The following DENND1A variants were observed in gnomAD, a reference collection of about 807,000 sequenced individuals.
DENND1A encodes DENN domain-containing protein 1A.
DENND1A carries 51 observed loss-of-function variants against 113.7 expected under a neutral mutation model. The observed-to-expected ratio is 0.45, with a 90% confidence interval of 0.36 to 0.57. The LOEUF (loss-of-function observed/expected upper bound fraction) is 0.57, where lower values mean the gene tolerates loss of function less well. Ranked by LOEUF, DENND1A falls within the 20% of genes least tolerant of loss-of-function variation. The pLI is 0.00. For missense variants in DENND1A, 1,258 were observed against 1,395.9 expected, an observed-to-expected ratio of 0.90 and a Z score of 1.57; for synonymous variants, 565 against 570.8, an observed-to-expected ratio of 0.99 and a Z score of 0.14.
At chr9:123,420,907 T>A (rs959057421) in intron 19 of DENND1A, among the ~76,000 whole-genome samples, 3 of 151,202 alleles carry the variant, frequency 2.0e-5, no homozygotes, top group African/African-American at 7.3e-5. Flanking sequence ...GAGCCCTTTG[T>A]TTTTAGTCGG....
rs574956871 is a variant in DENND1A at position 123,540,482 on chromosome 9, G to A, written c.993+17088C>T. On this transcript the variant is annotated intron_variant, in intron 13 of 23. Coordinates refer to ENST00000394215, the MANE Select transcript of DENND1A (RefSeq NM_001352964.2). Reference sequence around the variant, plus strand: ...AAATAGAATTAGACTGTCTTGGTGAGTCCTAAAGATCAGGAAACAGGTATT... The same window carrying A: ...AAATAGAATTAGACTGTCTTGGTGAATCCTAAAGATCAGGAAACAGGTATT... Among the ~76,000 whole-genome samples, 43 of 152,292 alleles carry A rather than the reference G, an allele frequency of 2.8e-4. No homozygotes were observed. The Middle Eastern group carries it at 0.02, about 72-fold the overall frequency.
chr9:123,610,803 G>C (rs899464542), intron 10 of DENND1A, among the ~76,000 whole-genome samples: 4 of 152,176 alleles, frequency 2.6e-5, no homozygotes, highest in African/African-American at 9.7e-5. Flanking sequence ...AATGAGACAG[G>C]AGAGGTTTGC....
At chr9:123,728,507 A>AGC in intron 5 of DENND1A, among the ~76,000 whole-genome samples, 1 of 147,060 alleles carries the variant, frequency 6.8e-6, no homozygotes, top group Non-Finnish European at 1.5e-5. Context: ...AAAAAAAAAA[A>AGC]AAACAGGCAT....
chr9:123,586,044 T>C (rs1589243040), intron 11 of DENND1A, among the ~76,000 whole-genome samples: 1 of 151,716 alleles, frequency 6.6e-6, no homozygotes, highest in East Asian at 1.9e-4. Context: ...GCTTGGTCTC[T>C]CACTTCAAAG....
intron 2 of DENND1A, among the ~76,000 whole-genome samples, chr9:123,805,494 C>G (rs1835391077): frequency 1.3e-5 from 2 of 150,980 alleles, no homozygotes; most frequent in Admixed American, 6.6e-5. Context: ...ACTGTAATGG[C>G]ATGATCTCAG....
chr9:123,898,837 G>C (rs1454994164), intron 1 of DENND1A, among the ~76,000 whole-genome samples: 1 of 152,186 alleles, frequency 6.6e-6, no homozygotes, highest in African/African-American at 2.4e-5. Flanking sequence ...CATTAGATTA[G>C]GGGGATAAAA....
intron 2 of DENND1A, among the ~76,000 whole-genome samples, chr9:123,850,511 G>C (rs913025280): frequency 6.6e-6 from 1 of 152,016 alleles, no homozygotes; most frequent in Non-Finnish European, 1.5e-5. Flanking sequence ...ACTTTATTGC[G>C]CTATTCACTT....
At chr9:123,597,788 C>T (rs1340897045) in intron 11 of DENND1A, among the ~76,000 whole-genome samples, 1 of 152,092 alleles carries the variant, frequency 6.6e-6, no homozygotes. Context: ...TATTTATAAA[C>T]CCCCTCCCTC....
chr9:123,493,440 G>A (rs965130160), intron 13 of DENND1A, among the ~76,000 whole-genome samples: 2 of 152,214 alleles, frequency 1.3e-5, no homozygotes, highest in African/African-American at 4.8e-5. Context: ...AGCGGGTCCG[G>A]ATGAAAACTT....
At chr9:123,436,066 G>A (rs888688400) in intron 19 of DENND1A, among the ~76,000 whole-genome samples, 1 of 152,166 alleles carries the variant, frequency 6.6e-6, no homozygotes, top group Non-Finnish European at 1.5e-5. Flanking sequence ...CTGCCGGGGA[G>A]GACACCACTC....
chr9:123,516,189 T>C (rs1019597695), intron 13 of DENND1A, among the ~76,000 whole-genome samples: 1 of 139,138 alleles, frequency 7.2e-6, no homozygotes, highest in African/African-American at 2.8e-5. Flanking sequence ...AGAAAACAAA[T>C]GAAACAAATA....
chr9:123,859,891 T>C (rs903129161), intron 2 of DENND1A, among the ~76,000 whole-genome samples: 1 of 152,098 alleles, frequency 6.6e-6, no homozygotes, highest in Non-Finnish European at 1.5e-5. Context: ...GGATGGAGCA[T>C]GGAAGACCTC....
At chr9:123,663,795 T>C (rs962746586) in intron 8 of DENND1A, among the ~76,000 whole-genome samples, 1 of 151,786 alleles carries the variant, frequency 6.6e-6, no homozygotes, top group Non-Finnish European at 1.5e-5. Context: ...AAAACAGATA[T>C]AAAGTGTGTA....
intron 13 of DENND1A, among the ~76,000 whole-genome samples, chr9:123,545,898 T>G (rs948099063): frequency 1.3e-5 from 2 of 152,074 alleles, no homozygotes; most frequent in African/African-American, 4.8e-5. Flanking sequence ...CTTTTCAGAG[T>G]CTCACTGAAA....
At chr9:123,727,342 T>G (rs1315967421) in intron 5 of DENND1A, among the ~76,000 whole-genome samples, 1 of 152,234 alleles carries the variant, frequency 6.6e-6, no homozygotes, top group Non-Finnish European at 1.5e-5. Flanking sequence ...CTAGATTTTC[T>G]GAAGTAAAAG....
intron 10 of DENND1A, among the ~76,000 whole-genome samples, chr9:123,624,434 C>G (rs1356077489): frequency 6.6e-6 from 1 of 152,204 alleles, no homozygotes; most frequent in East Asian, 1.9e-4. Flanking sequence ...ATTATGGAAG[C>G]TGTGTTTTTT....
intron 23 of DENND1A, 103 bp downstream of exon 23, chr9:123,383,552 T>C: frequency 1.3e-6 from 2 of 1,506,592 alleles, no homozygotes; most frequent in African/African-American, 1.4e-5. Flanking sequence ...TCTTGGAAAG[T>C]CACTGTTTCT....
chr9:123,684,295 C>T (rs1274093320), intron 5 of DENND1A, among the ~76,000 whole-genome samples: 1 of 152,156 alleles, frequency 6.6e-6, no homozygotes, highest in Non-Finnish European at 1.5e-5. Context: ...CTGCTCCAAA[C>T]ATTTTTCCTC....
At chr9:123,667,141 G>C in intron 7 of DENND1A, 62 bp from the exon 8 acceptor site, 3 of 1,472,422 alleles carry the variant, frequency 2.0e-6, no homozygotes, top group Non-Finnish European at 2.8e-6. Context: ...GCATTACTCA[G>C]AATTCAGGTA....
Sources: allele counts gnomAD v4.1 joint callset (sites outside exome capture counted in the v4.1 genomes callset), GRCh38; gene constraint gnomAD v4.1.1; transcripts MANE v1.5; gene names NCBI Gene and HGNC (gene_info 2026-07-23, HGNC 2026-07-21).